The following GAP43 variants were observed in gnomAD, a reference collection of about 807,000 sequenced individuals.
The protein encoded by GAP43 is growth associated protein 43, also known as neuromodulin.
In GAP43, 6 loss-of-function variants were observed where a neutral mutation model predicts 18.6. The observed-to-expected ratio is 0.32, with a 90% CI of 0.18 to 0.64. The LOEUF is 0.64. Among genes scored for constraint, GAP43 ranks in the 30% least tolerant of loss-of-function variants. The probability of loss-of-function intolerance (pLI) is 0.78; values close to 1 mark genes in which losing one functional copy is unlikely to be tolerated. For missense variants in GAP43, 292 were observed against 295.5 expected (o/e 0.99, Z 0.09); for synonymous variants, 115 against 111.4 (o/e 1.03, Z -0.20).
At chr3:115,639,511 G>C (rs1232217688) in intron 1 of GAP43, among the ~76,000 whole-genome samples, 11 of 152,204 alleles carry the variant, frequency 7.2e-5, no homozygotes, top group Admixed American at 3.3e-4. Context: ...TGAGGTTTCA[G>C]ATCTTCCCCT....
At chr3:115,655,703 A>T (rs1440464900) in intron 1 of GAP43, among the ~76,000 whole-genome samples, 1 of 152,250 alleles carries the variant, frequency 6.6e-6, no homozygotes, top group Admixed American at 6.5e-5. Context: ...TAAATGTGAT[A>T]AAACACTGAA....
At chr3:115,709,958 CT>C (rs1317190163) in intron 2 of GAP43, among the ~76,000 whole-genome samples, 1 of 152,024 alleles carries the variant, frequency 6.6e-6, no homozygotes, top group Admixed American at 6.6e-5. Context: ...CACGGCACCC[CT>C]AAACCTCTGC....
rs1027905882 is a variant in GAP43 at position 115,623,586 on chromosome 3, G to A, written c.-104G>A. The A allele has an allele frequency of 6.8e-7, 1 of 1,465,026 alleles. No homozygotes were observed. The highest frequency in any genetic ancestry group is 1.2e-5 in the South Asian group (1 of 86,474). 90.8% of individuals were successfully genotyped at this position (1,465,026 alleles called of 1,614,324 possible). On this transcript the variant is annotated 5_prime_UTR_variant, in exon 1 of 3. Transcript: ENST00000305124. Reference sequence around the variant, plus strand: ...GGAGAGAGAGCGCGCTAGCGCGAGAGAGCGAGTGAGCAAGCGAGCAGAAAA... The same window carrying A: ...GGAGAGAGAGCGCGCTAGCGCGAGAAAGCGAGTGAGCAAGCGAGCAGAAAA...
At chr3:115,647,755 A>C (rs1708473994) in intron 1 of GAP43, among the ~76,000 whole-genome samples, 1 of 83,896 alleles carries the variant, frequency 1.2e-5, no homozygotes, top group East Asian at 3.7e-4. Flanking sequence ...CAAAACAAAA[A>C]AACAAAAAAA....
intron 1 of GAP43, among the ~76,000 whole-genome samples, chr3:115,666,782 A>G (rs1274614508): frequency 6.6e-6 from 1 of 152,148 alleles, no homozygotes; most frequent in Non-Finnish European, 1.5e-5. Flanking sequence ...ATTGACTTTT[A>G]CAGGAGGAGG....
At chr3:115,689,355 ACAG>A (rs904309186) in intron 2 of GAP43, among the ~76,000 whole-genome samples, 1 of 152,258 alleles carries the variant, frequency 6.6e-6, no homozygotes, top group African/African-American at 2.4e-5. Flanking sequence ...AGAATAGAGC[ACAG>A]CACATAGAAG....
intron 1 of GAP43, among the ~76,000 whole-genome samples, chr3:115,661,845 T>TTTTTTTTTTTA (rs1553721649): frequency 2.0e-5 from 3 of 150,114 alleles, no homozygotes; most frequent in Non-Finnish European, 4.4e-5. Context: ...TTTTTTTTTT[T>TTTTTTTTTTTA]ACCTGGGAGC....
At chr3:115,698,670 G>T (rs1559804655) in intron 2 of GAP43, among the ~76,000 whole-genome samples, 2 of 151,920 alleles carry the variant, frequency 1.3e-5, no homozygotes, top group East Asian at 3.9e-4. Flanking sequence ...GAGGGTGTGG[G>T]GGTGTCAGTG....
intron 1 of GAP43, among the ~76,000 whole-genome samples, chr3:115,659,906 C>G (rs906710454): frequency 1.3e-5 from 2 of 151,964 alleles, no homozygotes; most frequent in Non-Finnish European, 2.9e-5. Context: ...GCAGCCCCCT[C>G]CCCCGCAACT....
At chr3:115,698,265 A>AATATATATTATATATAAATATAAT (rs1709245435) in intron 2 of GAP43, among the ~76,000 whole-genome samples, 1 of 11,654 alleles carries the variant, frequency 8.6e-5, no homozygotes, top group Non-Finnish European at 2.6e-4. Context: ...ATATATATAA[A>AATATATATTATATATAAATATAAT]ATATATATTA....
intron 1 of GAP43, among the ~76,000 whole-genome samples, chr3:115,636,298 G>A (rs1708329620): frequency 6.6e-6 from 1 of 151,964 alleles, no homozygotes; most frequent in Admixed American, 6.6e-5. Flanking sequence ...GCTCATAACA[G>A]AAATAATTGA....
chr3:115,657,548 C>A (rs1044935498), intron 1 of GAP43, among the ~76,000 whole-genome samples: 9 of 152,164 alleles, frequency 5.9e-5, no homozygotes, highest in African/African-American at 2.2e-4. Flanking sequence ...CAGATAAGGT[C>A]ACTGCCCTTA....
At chr3:115,678,776 G>T (rs1417192979) in intron 2 of GAP43, among the ~76,000 whole-genome samples, 1 of 151,926 alleles carries the variant, frequency 6.6e-6, no homozygotes, top group Non-Finnish European at 1.5e-5. Flanking sequence ...AATAGGTGAA[G>T]TTCAACTTGA....
intron 1 of GAP43, among the ~76,000 whole-genome samples, chr3:115,651,545 T>C (rs1708518467): frequency 6.6e-6 from 1 of 152,204 alleles, no homozygotes; most frequent in South Asian, 2.1e-4. Context: ...ACTCAGTTCA[T>C]ATGTACATTT....
chr3:115,629,423 A>G (rs1268972724), intron 1 of GAP43, among the ~76,000 whole-genome samples: 3 of 98,404 alleles, frequency 3.0e-5, no homozygotes, highest in South Asian at 3.1e-4. Flanking sequence ...TTTTTTTTTT[A>G]CCTGATGACA....
intron 1 of GAP43, among the ~76,000 whole-genome samples, chr3:115,667,584 T>G (rs1381581209): frequency 6.6e-6 from 1 of 152,208 alleles, no homozygotes; most frequent in African/African-American, 2.4e-5. Flanking sequence ...GAAGGAAGAT[T>G]GTTTTATGCT....
chr3:115,653,168 G>A (rs1018013618), intron 1 of GAP43, among the ~76,000 whole-genome samples: 30 of 152,052 alleles, frequency 2.0e-4, no homozygotes, highest in Non-Finnish European at 1.2e-4. Context: ...GGCTAGGTGC[G>A]GTGGCTCATA....
At chr3:115,636,285 C>T (rs1708329417) in intron 1 of GAP43, among the ~76,000 whole-genome samples, 1 of 152,054 alleles carries the variant, frequency 6.6e-6, no homozygotes, top group Admixed American at 6.6e-5. Context: ...TCTCAGTTTC[C>T]CAGCTCATAA....
chr3:115,691,006 C>T (rs1437508702), intron 2 of GAP43, among the ~76,000 whole-genome samples: 2 of 152,076 alleles, frequency 1.3e-5, no homozygotes, highest in African/African-American at 2.4e-5. Context: ...CCACCCGCCT[C>T]GGCCTCCCAA....
Sources: gnomAD v4.1 joint callset for allele counts (sites outside exome capture counted in the v4.1 genomes callset) on GRCh38, gnomAD v4.1.1 for gene constraint, MANE v1.5 for transcripts, NCBI Gene and HGNC (gene_info 2026-07-23, HGNC 2026-07-21) for gene names.